LUC7L3: variants seen among roughly 807,000 people sequenced by gnomAD.
The protein encoded by LUC7L3 is LUC7 like 3 pre-mRNA splicing factor.
In LUC7L3, 6 loss-of-function variants were observed where a neutral mutation model predicts 66.8. That is an observed-to-expected ratio of 0.09 (90% CI 0.05 to 0.18). The LOEUF (loss-of-function observed/expected upper bound fraction) is 0.18. Ranked by LOEUF, LUC7L3 falls within the 10% of genes least tolerant of loss-of-function variation. LUC7L3 has a pLI of 1.00. For synonymous variants in LUC7L3, 160 were observed against 174.7 expected (o/e 0.92, Z 0.66); for missense variants, 341 against 531.1 (o/e 0.64, Z 3.52).
At chr17:50,744,094 C>T (rs1212521342) in intron 6 of LUC7L3, among the ~76,000 whole-genome samples, 1 of 152,182 alleles carries the variant, frequency 6.6e-6, no homozygotes, top group African/African-American at 2.4e-5. Context: ...TCATATGAGC[C>T]TGGTTTTATT....
Position 50,745,881 on chromosome 17 carries a change from T to C in LUC7L3, c.855T>C (p.Arg285=). ...AAGAAAGAGAAAAAGAAAGGGCTCG[T>C]GACAGAGAAAGAAGAAAGAGAAGTC... ...EEEEREKERA[R]DRERRKRSRS... is the part of the protein sequence containing the mutation. Residue 285 remains arginine, a synonymous_variant, in exon 8 of 10, where the codon CGT becomes CGC. Coordinates refer to ENST00000505658, the MANE Select transcript of LUC7L3 (RefSeq NM_016424.5). 6.2e-7 allele frequency: 1 copy of C among 1,609,544 alleles called. No homozygotes were observed. Among genetic ancestry groups the C allele is most frequent in the Non-Finnish European group, 8.5e-7 (1 of 1,177,412 alleles).
At chr17:50,720,345 A>G (rs994401633) in intron 1 of LUC7L3, among the ~76,000 whole-genome samples, 30 of 152,262 alleles carry the variant, frequency 2.0e-4, no homozygotes, top group African/African-American at 6.5e-4. Context: ...GATGATTTAC[A>G]AGTATTGTTC....
At position 50,719,718 on chromosome 17, in the gene LUC7L3, C is replaced by T; in HGVS notation, c.-15C>T. Reference sequence around the variant, plus strand: ...GTGCCTGGGCTGGTGGGAACAGCCGCCCGAAGGAAGCACCATGATTTCGGC... The same window carrying T: ...GTGCCTGGGCTGGTGGGAACAGCCGTCCGAAGGAAGCACCATGATTTCGGC... On this transcript the variant is annotated 5_prime_UTR_variant, in exon 1 of 10. Coordinates refer to ENST00000505658, the MANE Select transcript of LUC7L3 (RefSeq NM_016424.5). The T allele has an allele frequency of 6.2e-7, 1 of 1,604,824 alleles. No individual in the cohort carries two copies. Among genetic ancestry groups the T allele is most frequent in the Non-Finnish European group, 8.5e-7 (1 of 1,175,162 alleles).
chr17:50,731,443 C>T (rs1347296765), intron 1 of LUC7L3, among the ~76,000 whole-genome samples: 1 of 152,226 alleles, frequency 6.6e-6, no homozygotes, highest in Non-Finnish European at 1.5e-5. Flanking sequence ...GCTGGGATTA[C>T]AGGTGTGAGC....
In LUC7L3 at chr17:50,719,949, C is replaced by T. The variant is rs1238339398; in HGVS notation, c.99+118C>T. 3.5e-6 allele frequency: 3 copies of T among 861,468 alleles called. No homozygotes were observed. In the African/African-American group the frequency reaches 5.3e-5, roughly 15 times the overall value. 53.4% of individuals were successfully genotyped at this position (861,468 alleles called of 1,614,324 possible). On this transcript the variant is annotated intron_variant, in intron 1 of 9. Coordinates refer to ENST00000505658, the MANE Select transcript of LUC7L3 (RefSeq NM_016424.5). Reference sequence around the variant, plus strand: ...CAGGGCCGCACCCGGGGTCGAGCGTCTGACCCGGTGCCCATGGAGCCAGGA... The same window carrying T: ...CAGGGCCGCACCCGGGGTCGAGCGTTTGACCCGGTGCCCATGGAGCCAGGA...
intron 1 of LUC7L3, among the ~76,000 whole-genome samples, chr17:50,721,093 C>CTT (rs530504317): frequency 6.8e-6 from 1 of 146,086 alleles, no homozygotes; most frequent in Non-Finnish European, 1.5e-5. Flanking sequence ...AGCGAAGTAA[C>CTT]TTTTTTTTTT....
chr17:50,747,059 A>G (rs1050190322), intron 9 of LUC7L3, among the ~76,000 whole-genome samples: 4 of 151,842 alleles, frequency 2.6e-5, no homozygotes, highest in African/African-American at 9.7e-5. Flanking sequence ...GTGTTTCATA[A>G]TACGTCTTAT....
chr17:50,729,872 A>G (rs1969441678), intron 1 of LUC7L3, among the ~76,000 whole-genome samples: 1 of 143,768 alleles, frequency 7.0e-6, no homozygotes, highest in Admixed American at 7.2e-5. Flanking sequence ...AGATAATCAG[A>G]AGTATATATT....
At chr17:50,727,323 TG>T (rs1817049039) in intron 1 of LUC7L3, among the ~76,000 whole-genome samples, 1 of 152,186 alleles carries the variant, frequency 6.6e-6, no homozygotes, top group African/African-American at 2.4e-5. Context: ...GCATTGTAGC[TG>T]GTACCTATCT....
intron 1 of LUC7L3, among the ~76,000 whole-genome samples, chr17:50,727,674 A>G (rs1230392077): frequency 1.3e-5 from 2 of 152,178 alleles, no homozygotes; most frequent in African/African-American, 4.8e-5. Context: ...GAGGGAGAGG[A>G]GAGAGAAGAC....
chr17:50,750,753 G>C lies in LUC7L3; in HGVS notation c.*92G>C. 2 of 1,607,658 alleles carry C rather than the reference G, an allele frequency of 1.2e-6. No homozygotes were observed. Among genetic ancestry groups the C allele is most frequent in the Non-Finnish European group, 1.7e-6 (2 of 1,177,458 alleles). On this transcript the variant is annotated 3_prime_UTR_variant, in exon 10 of 10. Coordinates refer to ENST00000505658, the MANE Select transcript of LUC7L3 (RefSeq NM_016424.5). Reference sequence around the variant, plus strand: ...TTTTGTTACTGTTTGACAGTGCAGCGTAAGTATGCACAGATGAAGATGGAA... The same window carrying C: ...TTTTGTTACTGTTTGACAGTGCAGCCTAAGTATGCACAGATGAAGATGGAA...
chr17:50,740,416 A>G (rs1200413503), intron 3 of LUC7L3, 71 bp downstream of exon 3: 1 of 1,369,814 alleles, frequency 7.3e-7, no homozygotes, highest in African/African-American at 1.5e-5. Flanking sequence ...GGGTTGAGGA[A>G]TAATTGCAAT....
chr17:50,750,524 A>C lies in LUC7L3; in HGVS notation c.1162A>C (p.Lys388Gln). 6.2e-7 allele frequency: 1 copy of C among 1,613,902 alleles called. No homozygotes were observed. The highest frequency in any genetic ancestry group is 8.5e-7 in the Non-Finnish European group (1 of 1,179,918). ...EKEKRGSDDK[K>Q]SSVKSGSREK... ...AGAAAAGAGGGGATCTGATGATAAA[A>C]AAAGTAGTGTGAAGTCCGGTAGTCG... Residue 388 changes from lysine (K) to glutamine (Q), a missense_variant, in exon 10 of 10, where the codon AAA becomes CAA. By Grantham distance (53) the Lys-to-Gln change is moderately conservative (BLOSUM62 1). This residue lies in a region of LUC7L3 where 210 missense variants were observed against 238.1 expected (regional missense o/e 0.88). Coordinates refer to ENST00000505658, the MANE Select transcript of LUC7L3 (RefSeq NM_016424.5).
rs555586805 is a variant in LUC7L3, at chr17:50,726,768, G to A, written c.99+6937G>A. On this transcript the variant is annotated intron_variant, in intron 1 of 9. Coordinates refer to ENST00000505658, the MANE Select transcript of LUC7L3 (RefSeq NM_016424.5). ...TTTTTTTCCCTAAACATTCTACAGTGCACATCTCTAGCTTACTTTATTGTA... is the reference window on the plus strand; with the variant it reads ...TTTTTTTCCCTAAACATTCTACAGTACACATCTCTAGCTTACTTTATTGTA... Among the ~76,000 whole-genome samples the A allele has an allele frequency of 3.4e-4, 51 of 152,006 alleles. 1 individual carries two copies. The South Asian group carries it at 0.01, about 30-fold the overall frequency.
chr17:50,753,217 G>A lies in LUC7L3; in HGVS notation c.*2556G>A, dbSNP rs770499633. ...GTATAAAAGTATTCTCTCCAGCTAC[G>A]TATATACACACATACATATATATCA... On this transcript the variant is annotated 3_prime_UTR_variant, in exon 10 of 10. Coordinates refer to ENST00000505658, the MANE Select transcript of LUC7L3 (RefSeq NM_016424.5). 6.6e-6 allele frequency: 1 copy of A among 152,506 alleles called. No individual in the cohort carries two copies. Among genetic ancestry groups the A allele is most frequent in the East Asian group, 1.9e-4 (1 of 5,194 alleles). The allele number at this position is 152,506 out of a possible 1,614,324, so 9.4% of individuals were successfully genotyped here.
At chr17:50,734,997 G>A (rs1308558845) in intron 1 of LUC7L3, among the ~76,000 whole-genome samples, 2 of 152,074 alleles carry the variant, frequency 1.3e-5, no homozygotes, top group South Asian at 2.1e-4. Context: ...TTCGGAGGCC[G>A]AGGCAGGCAG....
In LUC7L3 at chr17:50,752,904, A is replaced by ATTTTTTTTTTTT. The variant is rs1277575355; in HGVS notation, c.*2244_*2245insTTTTTTTTTTTT. On this transcript the variant is annotated 3_prime_UTR_variant, in exon 10 of 10. Transcript: ENST00000505658. The stretch of plus-strand genomic sequence containing the variant: ...TAGCAAAGATGTGCAGTGAACTAGA[A>ATTTTTTTTTTTT]TATATTTTTACATCCCTGAGAGATT... 2.0e-5 allele frequency: 3 copies of ATTTTTTTTTTTT among 152,108 alleles called. No individual in the cohort carries two copies. Among genetic ancestry groups the ATTTTTTTTTTTT allele is most frequent in the Admixed American group, 6.6e-5 (1 of 15,252 alleles). 9.4% of individuals were successfully genotyped at this position (152,108 alleles called of 1,614,324 possible). A position where few individuals can be genotyped will look rare whatever the true frequency, so the allele number is the denominator to read the frequency against.
intron 1 of LUC7L3, among the ~76,000 whole-genome samples, chr17:50,728,367 A>G (rs541483081): frequency 6.6e-6 from 1 of 152,290 alleles, no homozygotes; most frequent in South Asian, 2.1e-4. Context: ...ATAAAGCTAT[A>G]TGTTATCAGG....
At position 50,726,319 on chromosome 17, in the gene LUC7L3, G is replaced by A. The variant is rs554002933; in HGVS notation, c.99+6488G>A. Among the ~76,000 whole-genome samples the A allele has an allele frequency of 3.3e-5, 5 of 152,196 alleles. No individual in the cohort carries two copies. The East Asian group carries it at 7.7e-4, about 24-fold the overall frequency. ...CCCAGGTAGCTGGGATTACAGCCGT[G>A]TACCACCATGTCTGGCTAAGTTTTG... On this transcript the variant is annotated intron_variant, in intron 1 of 9. Transcript: ENST00000505658.
Sources: gnomAD v4.1 joint callset for allele counts (sites outside exome capture counted in the v4.1 genomes callset) on GRCh38, gnomAD v4.1.1 for gene constraint, gnomAD v4.1.1 regional missense constraint, MANE v1.5 for transcripts, NCBI Gene and HGNC (gene_info 2026-07-23, HGNC 2026-07-21) for gene names.